GRIN2B: variants seen among roughly 807,000 people sequenced by gnomAD.
GRIN2B encodes glutamate ionotropic receptor NMDA type subunit 2B.
GRIN2B carries 5 observed loss-of-function variants against 114.5 expected under a neutral mutation model. The observed-to-expected ratio is 0.04, with a 90% CI of 0.02 to 0.09. The LOEUF (loss-of-function observed/expected upper bound fraction) is 0.09, where lower values mean the gene tolerates loss of function less well. Among genes scored for constraint, GRIN2B ranks in the 10% least tolerant of loss-of-function variants. GRIN2B has a pLI of 1.00. For synonymous variants in GRIN2B, 787 were observed against 745.1 expected (o/e 1.06, Z -0.92); for missense variants, 1,108 against 1,943.5 (o/e 0.57, Z 8.08).
chr12:13,801,933 G>T (rs189139191), intron 3 of GRIN2B, among the ~76,000 whole-genome samples: 14 of 152,192 alleles, frequency 9.2e-5, no homozygotes, highest in Admixed American at 8.5e-4. Flanking sequence ...CACTGTCTGG[G>T]TGAGCAGACA....
chr12:13,824,125 GA>G (rs966774266), intron 3 of GRIN2B, among the ~76,000 whole-genome samples: 11 of 152,030 alleles, frequency 7.2e-5, no homozygotes, highest in Non-Finnish European at 1.5e-4. Context: ...TTATTGGTAG[GA>G]AAAGAATACT....
chr12:13,838,726 G>A (rs999138267), intron 3 of GRIN2B, among the ~76,000 whole-genome samples: 2 of 152,182 alleles, frequency 1.3e-5, no homozygotes, highest in Non-Finnish European at 2.9e-5. Flanking sequence ...TGGCCTGGAA[G>A]CAATCTAATA....
intron 3 of GRIN2B, among the ~76,000 whole-genome samples, chr12:13,806,407 A>G (rs1192027297): frequency 6.6e-6 from 1 of 152,138 alleles, no homozygotes; most frequent in Non-Finnish European, 1.5e-5. Flanking sequence ...ATTTTTCATA[A>G]TAGCCATTTT....
rs1948442560 is a variant in GRIN2B at position 13,553,535 on chromosome 12, C to G, written c.*9248G>C. The G allele has an allele frequency of 6.6e-6, 1 of 152,208 alleles. No individual in the cohort carries two copies. Among genetic ancestry groups the G allele is most frequent in the African/African-American group, 2.4e-5 (1 of 41,430 alleles). The allele number at this position is 152,208 out of a possible 1,614,324, so 9.4% of individuals were successfully genotyped here. ...AAGACAAGGTGGTGACCAGCACAGA[C>G]AGTTCCCCCAAGGCCACAAATGTGG... is the stretch of plus-strand genomic sequence containing the variant. On this transcript the variant is annotated 3_prime_UTR_variant, in exon 14 of 14. Coordinates refer to ENST00000609686, the MANE Select transcript of GRIN2B (RefSeq NM_000834.5).
At chr12:13,903,016 ATTTT>A (rs1271661431) in intron 2 of GRIN2B, among the ~76,000 whole-genome samples, 1 of 151,912 alleles carries the variant, frequency 6.6e-6, no homozygotes, top group Non-Finnish European at 1.5e-5. Flanking sequence ...ATTTCAACTA[ATTTT>A]TTTAATTCAT....
At chr12:13,619,105 T>C (rs75381093) in intron 5 of GRIN2B, among the ~76,000 whole-genome samples, 6,942 of 152,134 alleles carry the variant, frequency 0.046, 458 homozygotes, top group African/African-American at 0.14. Flanking sequence ...AAAATACAAG[T>C]CATGCTTACA....
intron 2 of GRIN2B, among the ~76,000 whole-genome samples, chr12:13,916,762 T>TGTG (rs1555156768): frequency 6.7e-6 from 1 of 149,658 alleles, no homozygotes; most frequent in East Asian, 2.0e-4. Context: ...TGTGTGTGTA[T>TGTG]TTTAATCCTC....
In GRIN2B at chr12:13,562,979, T is replaced by C; in HGVS notation, c.4259A>G (p.Asp1420Gly). ...CTTGTTGGTGACAAGGGCCCGGAAG[T>C]CCGGCCTGGCTTTCGACGCCCCCGC... ...TVAGASKARPDFRALVTNKPV... is the reference protein window; with the variant it reads ...TVAGASKARPGFRALVTNKPV... The change falls in exon 14 of 14, where the codon GAC (aspartate) becomes GGC (glycine). Residue 1420 changes from aspartate to glycine, a missense_variant. Transcript: ENST00000609686. 1 of 1,613,774 alleles carries C rather than the reference T, an allele frequency of 6.2e-7. No homozygotes were observed. Among genetic ancestry groups the C allele is most frequent in the Non-Finnish European group, 8.5e-7 (1 of 1,179,722 alleles).
At chr12:13,899,290 G>A (rs1216452988) in intron 2 of GRIN2B, among the ~76,000 whole-genome samples, 1 of 151,836 alleles carries the variant, frequency 6.6e-6, no homozygotes, top group African/African-American at 2.4e-5. Context: ...AAAGCACACA[G>A]CTTCTTTAAA....
chr12:13,625,874 C>G (rs1035188770), intron 5 of GRIN2B, among the ~76,000 whole-genome samples: 1 of 152,188 alleles, frequency 6.6e-6, no homozygotes, highest in African/African-American at 2.4e-5. Context: ...ATAAACCCCT[C>G]CCTGGGACAA....
intron 5 of GRIN2B, among the ~76,000 whole-genome samples, chr12:13,650,353 T>TCTA (rs1461744182): frequency 6.6e-6 from 1 of 151,010 alleles, no homozygotes; most frequent in Non-Finnish European, 1.5e-5. Context: ...TAAATTCTCT[T>TCTA]CTTTCAGGAC....
chr12:13,956,101 G>T (rs1156905393), intron 2 of GRIN2B, among the ~76,000 whole-genome samples: 5 of 152,202 alleles, frequency 3.3e-5, no homozygotes, highest in African/African-American at 1.2e-4. Context: ...ACAGTGCTGG[G>T]ATGGAGTAGG....
intron 3 of GRIN2B, among the ~76,000 whole-genome samples, chr12:13,841,661 A>C (rs1865380489): frequency 6.6e-6 from 1 of 151,742 alleles, no homozygotes; most frequent in Non-Finnish European, 1.5e-5. Context: ...GTCTCTAGCA[A>C]CAATATCTAC....
chr12:13,798,574 T>G (rs1230986953), intron 3 of GRIN2B, among the ~76,000 whole-genome samples: 2 of 152,236 alleles, frequency 1.3e-5, no homozygotes, highest in Non-Finnish European at 2.9e-5. Context: ...GATATGCTTA[T>G]TATCATATGT....
chr12:13,688,047 A>C (rs2136554065), intron 4 of GRIN2B, among the ~76,000 whole-genome samples: 1 of 152,274 alleles, frequency 6.6e-6, no homozygotes, highest in Admixed American at 6.5e-5. Context: ...TTCTCACATC[A>C]ATGATATAAA....
intron 5 of GRIN2B, among the ~76,000 whole-genome samples, chr12:13,625,635 T>A (rs1949557709): frequency 6.6e-6 from 1 of 152,202 alleles, no homozygotes; most frequent in African/African-American, 2.4e-5. Context: ...TGCAAGTGGC[T>A]TGCAATTGTC....
chr12:13,812,930 A>ATT (rs34773248), intron 3 of GRIN2B, among the ~76,000 whole-genome samples: 4,302 of 118,302 alleles, frequency 0.036, 307 homozygotes, highest in African/African-American at 0.12. Flanking sequence ...AGTTTTGGGA[A>ATT]TTTTTTTTTT....
rs186117356 is a variant in GRIN2B at position 13,604,279 on chromosome 12, G to A, written c.2010+4324C>T. ...TCTGAATTCACTGTAATGTGCTACC[G>A]CAAAATGGAAGCCTTCCAGTATAAA... On this transcript the variant is annotated intron_variant, in intron 10 of 13. Coordinates refer to ENST00000609686, the MANE Select transcript of GRIN2B (RefSeq NM_000834.5). 1.4e-3 allele frequency among the ~76,000 whole-genome samples: 213 copies of A among 152,284 alleles called. 2 individuals are homozygous for A. Among genetic ancestry groups the A allele is most frequent in the African/African-American group, 4.7e-3 (196 of 41,560 alleles).
chr12:13,565,020 A>G (rs535454231), intron 13 of GRIN2B, among the ~76,000 whole-genome samples: 2 of 152,330 alleles, frequency 1.3e-5, no homozygotes, highest in East Asian at 1.9e-4. Flanking sequence ...ATAGCAAAAA[A>G]TATCATCAGC....
Sources: gnomAD v4.1 joint callset for allele counts (sites outside exome capture counted in the v4.1 genomes callset) on GRCh38, gnomAD v4.1.1 for gene constraint, MANE v1.5 for transcripts, NCBI Gene and HGNC (gene_info 2026-07-23, HGNC 2026-07-21) for gene names.